Variants in DICER1 observed in about 807,000 individuals in gnomAD.
The protein encoded by DICER1 is endoribonuclease Dicer.
Under a neutral mutation model 194.1 loss-of-function variants are expected in DICER1, and 43 were observed. The ratio of observed to expected loss-of-function variants is 0.22; its 90% confidence interval spans 0.17 to 0.29. DICER1 has a LOEUF of 0.29. Ranked by LOEUF, DICER1 falls within the 10% of genes least tolerant of loss-of-function variation. DICER1 has a pLI of 1.00. For missense variants in DICER1, 1,608 were observed against 2,317.0 expected, an observed-to-expected ratio of 0.69 and a Z score of 6.28; for synonymous variants, 832 against 820.5, an observed-to-expected ratio of 1.01 and a Z score of -0.24.
chr14:95,092,499 G>A (rs1365691238), intron 24 of DICER1, among the ~76,000 whole-genome samples: 3 of 152,112 alleles, frequency 2.0e-5, no homozygotes, highest in Admixed American at 6.6e-5. Flanking sequence ...TTATACTGCT[G>A]ATTACTTAAA....
chr14:95,136,086 TACACACACACACACACAC>T (rs144415862), intron 1 of DICER1, among the ~76,000 whole-genome samples: 1 of 146,550 alleles, frequency 6.8e-6, no homozygotes, highest in Non-Finnish European at 1.5e-5. Flanking sequence ...TACATGTAGA[TACACACACACACACACAC>T]ACACACACAC....
At chr14:95,104,994 A>C (rs933707213) in intron 20 of DICER1, 77 bp downstream of exon 20, 4 of 1,376,172 alleles carry the variant, frequency 2.9e-6, no homozygotes, top group African/African-American at 1.4e-5. Flanking sequence ...TTTTATATAC[A>C]ATTTTAACTT....
rs372592852 is a variant in DICER1, at chr14:95,124,429, G to C, written c.1143C>G (p.Leu381=). The C allele has an allele frequency of 5.6e-6, 9 of 1,614,002 alleles. No homozygotes were observed. The highest frequency in any genetic ancestry group is 2.2e-5 in the East Asian group (1 of 44,882). The change falls in exon 8 of 27, where the codon CTC becomes CTG. Residue 381 remains leucine (L), a synonymous_variant. Coordinates refer to ENST00000343455, the MANE Select transcript of DICER1 (RefSeq NM_177438.3). The surrounding 1 kb of genome is among the most constrained non-coding windows in gnomAD (Gnocchi z 4.5). ...ATGGTTTATATTTGCGTAAGATTTC[G>C]AGCAGTTTGATTACTTTAGGAGTTA... ...KFVTPKVIKL[L]EILRKYKPYE...
chr14:95,146,914 G>T (rs1426712403), intron 1 of DICER1, among the ~76,000 whole-genome samples: 1 of 152,188 alleles, frequency 6.6e-6, no homozygotes, highest in Non-Finnish European at 1.5e-5. Flanking sequence ...GGGAGGGAGT[G>T]AGGAAGGCTA....
Position 95,116,461 on chromosome 14 carries a change from T to C in DICER1, c.1744A>G (p.Ile582Val), listed in dbSNP as rs2140122754. 1.2e-6 allele frequency: 2 copies of C among 1,611,950 alleles called. No homozygotes were observed. The highest frequency in any genetic ancestry group is 2.2e-5 in the East Asian group (1 of 44,858). ...TAATATGTTGATCTTACCTTTTCAA[T>C]AGCTTTGTAGGTTTTAAGGTCTTCT... ...FEEDLKTYKA[I>V]EKILRNKCSK... is the part of the protein sequence containing the mutation. The change falls in exon 10 of 27, where the codon ATT becomes GTT. Residue 582 changes from isoleucine to valine, a missense_variant. Physicochemically the swap from Ile to Val is conservative, Grantham distance 29 (BLOSUM62 3). This residue lies in a region of DICER1 where 657 missense variants were observed against 910.1 expected (regional missense o/e 0.72). Coordinates refer to ENST00000343455, the MANE Select transcript of DICER1 (RefSeq NM_177438.3).
chr14:95,130,298 A>T, intron 4 of DICER1, 106 bp from the exon 5 acceptor site: 1 of 1,100,306 alleles, frequency 9.1e-7, no homozygotes, highest in South Asian at 1.3e-5. Context: ...GGATTAAGGA[A>T]TTCATTAGTC....
At chr14:95,151,291 T>C (rs996327974) in intron 1 of DICER1, among the ~76,000 whole-genome samples, 9 of 152,208 alleles carry the variant, frequency 5.9e-5, no homozygotes, top group African/African-American at 1.9e-4. Flanking sequence ...TAAAATATTG[T>C]TCTCAAGCCC....
chr14:95,142,189 C>G (rs1018538043), intron 1 of DICER1, among the ~76,000 whole-genome samples: 1 of 151,866 alleles, frequency 6.6e-6, no homozygotes, highest in African/African-American at 2.4e-5. Flanking sequence ...AACTCCTGGG[C>G]TCAAGTGATC....
chr14:95,095,254 A>G (rs1890205180), intron 23 of DICER1: 1 of 156,234 alleles, frequency 6.4e-6, no homozygotes, highest in Admixed American at 6.2e-5. Flanking sequence ...CTTCTAATCT[A>G]ATGGGTTGAC....
At chr14:95,137,702 G>C (rs950998099) in intron 1 of DICER1, among the ~76,000 whole-genome samples, 2 of 152,196 alleles carry the variant, frequency 1.3e-5, no homozygotes, top group Non-Finnish European at 2.9e-5. Context: ...TAAGGGAAAA[G>C]TCAAGGGTCT....
At position 95,096,599 on chromosome 14, in the gene DICER1, C is replaced by A. The variant is rs752291344; in HGVS notation, c.4321G>T (p.Asp1441Tyr). 2 of 1,611,604 alleles carry A rather than the reference C, an allele frequency of 1.2e-6. No individual in the cohort carries two copies. The highest frequency in any genetic ancestry group is 1.7e-6 in the Non-Finnish European group (2 of 1,178,472). The change falls in exon 23 of 27, where the codon GAT (aspartate) becomes TAT (tyrosine). Residue 1441 changes from aspartate (D) to tyrosine (Y), a missense_variant. Asp to Tyr is a radical substitution (Grantham distance 160). Transcript: ENST00000343455. ...APKEEADYEDDFLEYDQEHIR... is the reference protein window; with the variant it reads ...APKEEADYEDYFLEYDQEHIR... ...TGTTCCTGATCATACTCCAGGAAAT[C>A]ATCTTCATAGTCAGCCTCTTCCTTC...
chr14:95,101,836 G>C (rs1322912283), intron 21 of DICER1, among the ~76,000 whole-genome samples: 1 of 152,156 alleles, frequency 6.6e-6, no homozygotes, highest in African/African-American at 2.4e-5. Flanking sequence ...AGAGAAGAGT[G>C]AATGAGTGAG....
chr14:95,108,546 T>C (rs747263769), intron 14 of DICER1, 43 bp from the exon 15 acceptor site: 2 of 1,553,808 alleles, frequency 1.3e-6, no homozygotes, highest in Non-Finnish European at 1.8e-6. Context: ...TCAAGCATAT[T>C]AGCCTCTTTT....
At chr14:95,111,530 C>T in intron 13 of DICER1, 74 bp from the exon 14 acceptor site, 4 of 1,507,580 alleles carry the variant, frequency 2.7e-6, no homozygotes, top group Non-Finnish European at 3.7e-6. Context: ...TAGAACAGAA[C>T]TATGTTAGAA....
intron 1 of DICER1, among the ~76,000 whole-genome samples, chr14:95,147,699 A>T (rs2140421908): frequency 6.6e-6 from 1 of 152,304 alleles, no homozygotes; most frequent in Non-Finnish European, 1.5e-5. Flanking sequence ...ACCTGGAGAT[A>T]GCATCAGATC....
In DICER1 at chr14:95,087,939, T is replaced by C. The variant is rs1889471600; in HGVS notation, c.*2559A>G. ...ATAGAGTGATTTTTTTTTTCCTTAA[T>C]TGACAGATGCAAAACATTTCAACAA... On this transcript the variant is annotated 3_prime_UTR_variant, in exon 27 of 27. Transcript: ENST00000343455. 7 of 232,938 alleles carry C rather than the reference T, an allele frequency of 3.0e-5. No homozygotes were observed. The East Asian group carries it at 3.0e-4, about 10-fold the overall frequency. 14.4% of individuals were successfully genotyped at this position (232,938 alleles called of 1,614,324 possible).
At chr14:95,118,267 C>A (rs1412189527) in intron 8 of DICER1, among the ~76,000 whole-genome samples, 1 of 152,176 alleles carries the variant, frequency 6.6e-6, no homozygotes, top group African/African-American at 2.4e-5. Flanking sequence ...CCAAAGGAAA[C>A]CTTCACCCCC....
intron 14 of DICER1, among the ~76,000 whole-genome samples, chr14:95,109,372 TA>T (rs1246264345): frequency 6.6e-6 from 1 of 152,198 alleles, no homozygotes; most frequent in Non-Finnish European, 1.5e-5. Context: ...ATGTATCTAT[TA>T]ATTAAACAGG....
At chr14:95,127,061 C>G (rs954449735) in intron 6 of DICER1, among the ~76,000 whole-genome samples, 3 of 152,132 alleles carry the variant, frequency 2.0e-5, no homozygotes, top group Non-Finnish European at 4.4e-5. Flanking sequence ...AAGCATGATG[C>G]TGGGAATTTA....
Sources: allele counts gnomAD v4.1 joint callset (sites outside exome capture counted in the v4.1 genomes callset), GRCh38; gene constraint gnomAD v4.1.1; regional missense constraint gnomAD v4.1.1; non-coding constraint Gnocchi (gnomAD v3.1); transcripts MANE v1.5; gene names NCBI Gene and HGNC (gene_info 2026-07-23, HGNC 2026-07-21).